FSTL5: variants seen among roughly 807,000 people sequenced by gnomAD.
FSTL5 encodes the protein follistatin like 5, also known as follistatin-related protein 5.
In FSTL5, 62 loss-of-function variants were observed where a neutral mutation model predicts 89.1. That is an observed-to-expected ratio of 0.70 (90% CI 0.57 to 0.86). The LOEUF is 0.86. Among genes scored for constraint, FSTL5 ranks in the 40% least tolerant of loss-of-function variants. The probability of loss-of-function intolerance (pLI) is 0.00; values close to 1 mark genes in which losing one functional copy is unlikely to be tolerated. For synonymous variants in FSTL5, 383 were observed against 346.2 expected, an observed-to-expected ratio of 1.11 and a Z score of -1.18; for missense variants, 1,057 against 1,001.6, an observed-to-expected ratio of 1.06 and a Z score of -0.75.
intron 12 of FSTL5, among the ~76,000 whole-genome samples, chr4:161,499,448 G>A (rs1020668571): frequency 6.6e-6 from 1 of 151,878 alleles, no homozygotes; most frequent in Non-Finnish European, 1.5e-5. Context: ...ATAGATTTAA[G>A]GTATAAATTA....
intron 15 of FSTL5, among the ~76,000 whole-genome samples, chr4:161,446,288 T>C (rs1363772264): frequency 6.6e-6 from 1 of 152,062 alleles, no homozygotes; most frequent in Non-Finnish European, 1.5e-5. Flanking sequence ...AAAATAAGCA[T>C]TTAGCCACAT....
chr4:161,600,158 AACACACAC>A (rs71598717), intron 7 of FSTL5, among the ~76,000 whole-genome samples: 55 of 142,064 alleles, frequency 3.9e-4, no homozygotes, highest in South Asian at 1.6e-3. Context: ...AATGTCAATA[AACACACAC>A]ACACACACAC....
intron 4 of FSTL5, among the ~76,000 whole-genome samples, chr4:161,915,336 C>G (rs1376398774): frequency 2.0e-5 from 3 of 151,062 alleles, no homozygotes; most frequent in African/African-American, 7.3e-5. Context: ...CTCTTCCTCT[C>G]CATTTGTCTC....
intron 1 of FSTL5, among the ~76,000 whole-genome samples, chr4:162,156,754 G>A (rs570355050): frequency 6.6e-5 from 10 of 152,176 alleles, no homozygotes; most frequent in African/African-American, 2.2e-4. Context: ...GTGGAGAGGC[G>A]GGAGGGAGGC....
chr4:161,732,909 A>T (rs958392808), intron 6 of FSTL5, among the ~76,000 whole-genome samples: 2 of 151,754 alleles, frequency 1.3e-5, no homozygotes, highest in Non-Finnish European at 2.9e-5. Flanking sequence ...ATAATGTTTT[A>T]AAATTAGATA....
chr4:161,576,773 T>C (rs1193289004), intron 8 of FSTL5, among the ~76,000 whole-genome samples: 2 of 152,194 alleles, frequency 1.3e-5, no homozygotes, highest in Non-Finnish European at 2.9e-5. Context: ...ATAATTGAGA[T>C]ATGAAAAACA....
intron 8 of FSTL5, among the ~76,000 whole-genome samples, chr4:161,570,839 G>GGC (rs1405013826): frequency 1.3e-5 from 2 of 152,164 alleles, no homozygotes; most frequent in Non-Finnish European, 2.9e-5. Context: ...AAGGGAGCCG[G>GGC]GTGTGGTGGT....
chr4:162,050,157 T>C (rs1200635133), intron 2 of FSTL5, among the ~76,000 whole-genome samples: 1 of 151,758 alleles, frequency 6.6e-6, no homozygotes, highest in Non-Finnish European at 1.5e-5. Context: ...TTTCCGCAAG[T>C]GAATACACAA....
At chr4:161,867,784 C>G (rs146490050) in intron 4 of FSTL5, among the ~76,000 whole-genome samples, 226 of 151,814 alleles carry the variant, frequency 1.5e-3, no homozygotes, top group African/African-American at 5.0e-3. Flanking sequence ...GTCTTTCAGT[C>G]ATCTATTACA....
At chr4:161,560,788 A>C (rs192582395) in intron 8 of FSTL5, among the ~76,000 whole-genome samples, 2 of 152,026 alleles carry the variant, frequency 1.3e-5, no homozygotes, top group East Asian at 1.9e-4. Context: ...ATCTCCTGTG[A>C]CAACAATGCC....
At chr4:162,035,050 A>G (rs917548614) in intron 2 of FSTL5, among the ~76,000 whole-genome samples, 2 of 152,138 alleles carry the variant, frequency 1.3e-5, no homozygotes, top group Non-Finnish European at 2.9e-5. Context: ...TCATAATTCT[A>G]TAACTAGTAG....
chr4:161,722,443 T>C (rs751323582), intron 6 of FSTL5, among the ~76,000 whole-genome samples: 2 of 152,172 alleles, frequency 1.3e-5, no homozygotes, highest in Non-Finnish European at 2.9e-5. Flanking sequence ...TCAAATATTT[T>C]TTTCTCCTAC....
At chr4:161,399,503 C>T (rs1382958659) in intron 15 of FSTL5, among the ~76,000 whole-genome samples, 3 of 152,180 alleles carry the variant, frequency 2.0e-5, no homozygotes, top group East Asian at 1.9e-4. Context: ...TAGTCTAAAA[C>T]GGCAGGCAAC....
chr4:162,000,528 G>A (rs1736430824), intron 3 of FSTL5, among the ~76,000 whole-genome samples: 1 of 151,856 alleles, frequency 6.6e-6, no homozygotes, highest in Admixed American at 6.6e-5. Context: ...AACCAGGGAG[G>A]TGGAGGTTGC....
At chr4:162,152,714 AT>A (rs1402075632) in intron 1 of FSTL5, among the ~76,000 whole-genome samples, 1 of 152,138 alleles carries the variant, frequency 6.6e-6, no homozygotes, top group African/African-American at 2.4e-5. Flanking sequence ...AGGAACATAC[AT>A]TTTAGAGAAC....
intron 4 of FSTL5, among the ~76,000 whole-genome samples, chr4:161,814,856 G>A (rs1270793764): frequency 6.6e-6 from 1 of 152,036 alleles, no homozygotes; most frequent in Non-Finnish European, 1.5e-5. Flanking sequence ...TCCTAACACT[G>A]TAGAATGTCT....
intron 5 of FSTL5, among the ~76,000 whole-genome samples, chr4:161,768,364 T>G (rs564639919): frequency 6.6e-6 from 1 of 152,234 alleles, no homozygotes; most frequent in South Asian, 2.1e-4. Context: ...AAATGTGATA[T>G]ATTTGGTTAT....
In FSTL5 at chr4:162,103,080, G is replaced by A. The variant is rs58519220; in HGVS notation, c.126+8191C>T. Among the ~76,000 whole-genome samples, 577 of 152,116 alleles carry A rather than the reference G, an allele frequency of 3.8e-3. 3 individuals are homozygous for A. Among genetic ancestry groups the A allele is most frequent in the African/African-American group, 0.013 (546 of 41,514 alleles). ...TCTATAATAATCATATTGTTTTGGG[G>A]ACTCATTGTCAAAGATCAAAAGACG... On this transcript the variant is annotated intron_variant, in intron 2 of 15. Coordinates refer to ENST00000306100, the MANE Select transcript of FSTL5 (RefSeq NM_020116.5).
In FSTL5 at chr4:161,500,041, G is replaced by A; in HGVS notation, c.1433C>T (p.Pro478Leu). The A allele has an allele frequency of 6.2e-7, 1 of 1,607,194 alleles. No homozygotes were observed. Among genetic ancestry groups the A allele is most frequent in the Non-Finnish European group, 8.5e-7 (1 of 1,174,828 alleles). The change falls in exon 12 of 16, where the codon CCT becomes CTT. Residue 478 changes from proline to leucine, a missense_variant. Pro to Leu is a moderately conservative substitution (Grantham distance 98). This residue lies in a region of FSTL5 where 980 missense variants were observed against 903.2 expected (regional missense o/e 1.08). Coordinates refer to ENST00000306100, the MANE Select transcript of FSTL5 (RefSeq NM_020116.5). The part of the protein sequence containing the change: ...IECEFQRHIK[P>L]SEKLLGFQDE... ...CTGAAATCCAAGGAGCTTTTCACTA[G>A]GCTTAATGTGCCTCTGAAATTCACA...
Sources: gnomAD v4.1 joint callset for allele counts (sites outside exome capture counted in the v4.1 genomes callset) on GRCh38, gnomAD v4.1.1 for gene constraint, gnomAD v4.1.1 regional missense constraint, MANE v1.5 for transcripts, NCBI Gene and HGNC (gene_info 2026-07-23, HGNC 2026-07-21) for gene names.